RAP1GAP: variants seen among roughly 807,000 people sequenced by gnomAD.
RAP1GAP encodes RAP1 GTPase activating protein.
In RAP1GAP, 35 loss-of-function variants were observed where a neutral mutation model predicts 87.2. The ratio of observed to expected loss-of-function variants is 0.40; its 90% CI spans 0.31 to 0.53. RAP1GAP has a LOEUF of 0.53. Ranked by LOEUF, RAP1GAP falls within the 20% of genes least tolerant of loss-of-function variation. The pLI is 0.48. For synonymous variants in RAP1GAP, 375 were observed against 363.9 expected, an observed-to-expected ratio of 1.03 and a Z score of -0.35; for missense variants, 734 against 898.9, an observed-to-expected ratio of 0.82 and a Z score of 2.35.
At chr1:21,597,663 C>T (rs1645856133) in intron 24 of RAP1GAP, 23 bp downstream of exon 24, 3 of 1,573,720 alleles carry the variant, frequency 1.9e-6, no homozygotes, top group Non-Finnish European at 2.6e-6. Flanking sequence ...CCACCAAACA[C>T]AAGCTGAGGG....
intron 3 of RAP1GAP, among the ~76,000 whole-genome samples, chr1:21,620,325 C>T (rs1396166003): frequency 6.6e-6 from 1 of 152,158 alleles, no homozygotes; most frequent in Non-Finnish European, 1.5e-5. Flanking sequence ...GGGCTGCTAC[C>T]CTTGGGGAGG....
intron 2 of RAP1GAP, among the ~76,000 whole-genome samples, chr1:21,635,495 G>A (rs995182736): frequency 5.3e-5 from 8 of 152,184 alleles, no homozygotes; most frequent in African/African-American, 1.9e-4. Flanking sequence ...GGCCTCCCCA[G>A]TCCCAAAGCA....
rs2076874810 is a variant in RAP1GAP, at chr1:21,609,477, A to G, written c.1071+98T>C. The G allele has an allele frequency of 7.2e-6, 5 of 694,244 alleles. No homozygotes were observed. The South Asian group carries it at 1.2e-4, about 17-fold the overall frequency. The allele number at this position is 694,244 out of a possible 1,614,324, so 43.0% of individuals were successfully genotyped here. A position where few individuals can be genotyped will look rare whatever the true frequency, so the allele number is the denominator to read the frequency against. On this transcript the variant is annotated intron_variant, in intron 15 of 24. Transcript: ENST00000374765. The surrounding 1 kb of genome is among the most constrained non-coding windows in gnomAD (Gnocchi z 4.4). ...GGGAGCCCAGCTGCCCTGGCATACA[A>G]TGAGACTTTGGGACCTCATAAGGCA...
rs151139003 is a variant in RAP1GAP, at chr1:21,663,151, G to A, written c.-149+6103C>T. ...GGAGGGCTGTGGGCTTTGGGGACTC[G>A]GACAGGTGAGGTCTTTGTCCCAGCG... On this transcript the variant is annotated intron_variant, in intron 1 of 24. Coordinates refer to ENST00000374765, the MANE Select transcript of RAP1GAP (RefSeq NM_002885.4). Among the ~76,000 whole-genome samples, 42 of 152,314 alleles carry A rather than the reference G, an allele frequency of 2.8e-4. 1 individual carries two copies. Among genetic ancestry groups the A allele is most frequent in the African/African-American group, 7.5e-4 (31 of 41,570 alleles).
At chr1:21,664,533 C>T in intron 1 of RAP1GAP, among the ~76,000 whole-genome samples, 1 of 152,188 alleles carries the variant, frequency 6.6e-6, no homozygotes. Flanking sequence ...GCTGGTCTCG[C>T]CTCCAGGAGC....
Position 21,649,746 on chromosome 1 carries a change from G to A in RAP1GAP, c.-113+15C>T. 1.9e-6 allele frequency: 3 copies of A among 1,552,042 alleles called. No homozygotes were observed. The East Asian group carries it at 7.3e-5, about 38-fold the overall frequency. ...CAAGGAAACCCAGGCCCTCCTGAGA[G>A]TCCCCAGTACTCACCACACACTCCG... On this transcript the variant is annotated intron_variant, in intron 2 of 24. Coordinates refer to ENST00000374765, the MANE Select transcript of RAP1GAP (RefSeq NM_002885.4).
Position 21,603,624 on chromosome 1 carries a change from C to T in RAP1GAP, c.1429-711G>A. ...CAGGGGCCAAGGCAGGGCCAGAAGC[C>T]CCTGGTGAGGGGCACTGGCTCTGGC... On this transcript the variant is annotated intron_variant, in intron 18 of 24. Coordinates refer to ENST00000374765, the MANE Select transcript of RAP1GAP (RefSeq NM_002885.4). The surrounding 1 kb of genome is among the most constrained non-coding windows in gnomAD (Gnocchi z 6.0). 1 of 738,712 alleles carries T rather than the reference C, an allele frequency of 1.4e-6. No homozygotes were observed. The highest frequency in any genetic ancestry group is 2.5e-6 in the Non-Finnish European group (1 of 405,762). The allele number at this position is 738,712 out of a possible 1,614,324, so 45.8% of individuals were successfully genotyped here.
intron 20 of RAP1GAP, among the ~76,000 whole-genome samples, chr1:21,600,988 A>G (rs2067885439): frequency 6.8e-6 from 1 of 147,854 alleles, no homozygotes; most frequent in Non-Finnish European, 1.5e-5. Context: ...GCACAATGTC[A>G]CAATGTCTGT....
chr1:21,652,025 G>T (rs981983913), intron 1 of RAP1GAP: 33 of 226,236 alleles, frequency 1.5e-4, no homozygotes, highest in East Asian at 1.1e-3. Flanking sequence ...CCGGCCGGGC[G>T]GGGGCTTCGC....
chr1:21,629,005 C>G (rs1157371310), intron 2 of RAP1GAP, among the ~76,000 whole-genome samples: 1 of 152,162 alleles, frequency 6.6e-6, no homozygotes, highest in Non-Finnish European at 1.5e-5. Flanking sequence ...GGGACTGCGT[C>G]AAGCATATAC....
chr1:21,650,607 C>A (rs569044045), intron 1 of RAP1GAP, among the ~76,000 whole-genome samples: 3 of 152,200 alleles, frequency 2.0e-5, no homozygotes, highest in East Asian at 3.9e-4. Flanking sequence ...ACGTCCTCCG[C>A]AGGGCAGGGC....
In RAP1GAP at chr1:21,603,026, A is replaced by G; in HGVS notation, c.1429-113T>C. Reference sequence around the variant, plus strand: ...GGCCCTGAAGCAGAGTTGATGAGCAAGAAAGAACGAGAGAAGATATCCATT... The same window carrying G: ...GGCCCTGAAGCAGAGTTGATGAGCAGGAAAGAACGAGAGAAGATATCCATT... On this transcript the variant is annotated intron_variant, in intron 18 of 24. Coordinates refer to ENST00000374765, the MANE Select transcript of RAP1GAP (RefSeq NM_002885.4). The surrounding 1 kb of genome is among the most constrained non-coding windows in gnomAD (Gnocchi z 6.0). The G allele has an allele frequency of 1.4e-6, 1 of 698,494 alleles. No individual in the cohort carries two copies. Among genetic ancestry groups the G allele is most frequent in the South Asian group, 1.9e-5 (1 of 53,572 alleles). The allele number at this position is 698,494 out of a possible 1,614,324, so 43.3% of individuals were successfully genotyped here. A position where few individuals can be genotyped will look rare whatever the true frequency, so the allele number is the denominator to read the frequency against.
In RAP1GAP at chr1:21,602,919, G is replaced by A. The variant is rs545056444; in HGVS notation, c.1429-6C>T. ...TTCCCAGGGACAATCAGTGACTGTG[G>A]GGAGAGGCCCCAACTCAGTGCCACC... On this transcript the variant is annotated splice_region_variant and splice_polypyrimidine_tract_variant and intron_variant, in intron 18 of 24. Coordinates refer to ENST00000374765, the MANE Select transcript of RAP1GAP (RefSeq NM_002885.4). 2 of 1,602,848 alleles carry A rather than the reference G, an allele frequency of 1.2e-6. No individual in the cohort carries two copies. The highest frequency in any genetic ancestry group is 1.7e-6 in the Non-Finnish European group (2 of 1,173,846).
rs2079779189 is a variant in RAP1GAP at position 21,613,482 on chromosome 1, G to A, written c.474+146C>T. 1 of 835,358 alleles carries A rather than the reference G, an allele frequency of 1.2e-6. No homozygotes were observed. Among genetic ancestry groups the A allele is most frequent in the Admixed American group, 2.0e-5 (1 of 49,522 alleles). 51.7% of individuals were successfully genotyped at this position (835,358 alleles called of 1,614,324 possible). The stretch of plus-strand genomic sequence containing the variant: ...ACACGTGGCAGCCCAAGACACGATG[G>A]GAACAAGTGAGAGACAGCCTCAGGA... On this transcript the variant is annotated intron_variant, in intron 9 of 24. Coordinates refer to ENST00000374765, the MANE Select transcript of RAP1GAP (RefSeq NM_002885.4). The surrounding 1 kb of genome is among the most constrained non-coding windows in gnomAD (Gnocchi z 4.7).
At chr1:21,651,805 G>A (rs1050403431) in intron 1 of RAP1GAP, 15 of 1,326,936 alleles carry the variant, frequency 1.1e-5, no homozygotes, top group Non-Finnish European at 1.4e-5. Flanking sequence ...AGGTGAAGCT[G>A]CGCTTCCGGC....
At chr1:21,602,071 T>G (rs1377064841) in intron 19 of RAP1GAP, among the ~76,000 whole-genome samples, 2 of 152,202 alleles carry the variant, frequency 1.3e-5, no homozygotes, top group Non-Finnish European at 2.9e-5. Context: ...ATAAGGAACC[T>G]GCCCAGGGAC....
intron 24 of RAP1GAP, among the ~76,000 whole-genome samples, 163 bp downstream of exon 24, chr1:21,597,523 G>A (rs776760064): frequency 3.9e-5 from 6 of 152,224 alleles, no homozygotes; most frequent in Non-Finnish European, 2.9e-5. Context: ...GGGAAGGGCC[G>A]TGGCCTGCCC....
intron 3 of RAP1GAP, 37 bp downstream of exon 3, chr1:21,626,267 C>T: frequency 6.6e-7 from 1 of 1,520,290 alleles, no homozygotes; most frequent in Non-Finnish European, 9.1e-7. Flanking sequence ...AGGTAGGGGG[C>T]AGACCAGGGG....
At position 21,596,731 on chromosome 1, in the gene RAP1GAP, A is replaced by C. The variant is rs1645361268; in HGVS notation, c.*568T>G. ...TTCTAAGGCAGGTGCATGTAATCAC[A>C]GTCTTCAGTGACCTCTGAAATAATC... On this transcript the variant is annotated 3_prime_UTR_variant, in exon 25 of 25. Coordinates refer to ENST00000374765, the MANE Select transcript of RAP1GAP (RefSeq NM_002885.4). 6.6e-6 allele frequency: 1 copy of C among 152,256 alleles called. No homozygotes were observed. The highest frequency in any genetic ancestry group is 1.5e-5 in the Non-Finnish European group (1 of 68,048). 9.4% of individuals were successfully genotyped at this position (152,256 alleles called of 1,614,324 possible).
Sources: allele counts gnomAD v4.1 joint callset (sites outside exome capture counted in the v4.1 genomes callset), GRCh38; gene constraint gnomAD v4.1.1; non-coding constraint Gnocchi (gnomAD v3.1); transcripts MANE v1.5; gene names NCBI Gene and HGNC (gene_info 2026-07-23, HGNC 2026-07-21).